Variants in MYZAP observed in about 807,000 individuals in gnomAD.
MYZAP encodes myocardial zonula adherens protein.
In MYZAP, 66 loss-of-function variants were observed where a neutral mutation model predicts 69.4. The observed-to-expected ratio is 0.95, with a 90% CI of 0.78 to 1.17. The LOEUF is 1.17. MYZAP is among the 50% of genes most tolerant of loss of function. The pLI, the probability that MYZAP is intolerant of heterozygous loss-of-function variation, is 0.00. For missense variants in MYZAP, 611 were observed against 556.2 expected, an observed-to-expected ratio of 1.10 and a Z score of -0.99; for synonymous variants, 256 against 205.9, an observed-to-expected ratio of 1.24 and a Z score of -2.09.
chr15:57,604,979 C>T (rs1307780003), intron 2 of MYZAP, among the ~76,000 whole-genome samples: 4 of 152,156 alleles, frequency 2.6e-5, no homozygotes, highest in South Asian at 2.1e-4. Flanking sequence ...CCCTATATGA[C>T]GGAATCTGGG....
In MYZAP at chr15:57,661,516, T is replaced by C; in HGVS notation, c.1186T>C (p.Ser396Pro). The change falls in exon 11 of 13, where the codon TCT becomes CCT. Residue 396 changes from serine (S) to proline (P), a missense_variant. Transcript: ENST00000267853. ...AATACTGCAGCTTTTAGAAAAGATA[T>C]CTTTCTTAGAAGGAGAGGTAAGGAT... ...LLILQLLEKI[S>P]FLEGENNELQ... 1 of 1,610,050 alleles carries C rather than the reference T, an allele frequency of 6.2e-7. No individual in the cohort carries two copies. The highest frequency in any genetic ancestry group is 8.5e-7 in the Non-Finnish European group (1 of 1,178,722).
chr15:57,631,038 G>A lies in MYZAP; in HGVS notation c.678+1184G>A, dbSNP rs116899925. 9.4e-3 allele frequency among the ~76,000 whole-genome samples: 1,432 copies of A among 152,270 alleles called. 9 individuals are homozygous for A. Among genetic ancestry groups the A allele is most frequent in the Non-Finnish European group, 0.015 (1,019 of 68,022 alleles). ...GTTCACTTGGCCTGCCACAGCCATG[G>A]GACAGATCATCTCCTCTGTATGTTC... On this transcript the variant is annotated intron_variant, in intron 6 of 12. Coordinates refer to ENST00000267853, the MANE Select transcript of MYZAP (RefSeq NM_001018100.5).
At chr15:57,683,341 G>A (rs760914286) in intron 12 of MYZAP, among the ~76,000 whole-genome samples, 20 of 152,148 alleles carry the variant, frequency 1.3e-4, no homozygotes, top group Non-Finnish European at 2.4e-4. Context: ...TGACTTTTCC[G>A]GGCCACAGAG....
intron 12 of MYZAP, among the ~76,000 whole-genome samples, chr15:57,677,132 G>A (rs1540398): frequency 0.048 from 7,348 of 152,284 alleles, 500 homozygotes; most frequent in African/African-American, 0.15. Flanking sequence ...TTCCACCTGC[G>A]CTTCTTGGAA....
chr15:57,607,876 C>G (rs1486412540), intron 2 of MYZAP, among the ~76,000 whole-genome samples: 1 of 152,190 alleles, frequency 6.6e-6, no homozygotes, highest in Non-Finnish European at 1.5e-5. Flanking sequence ...TGGCATGAGT[C>G]ACTGAGGGCC....
intron 10 of MYZAP, among the ~76,000 whole-genome samples, chr15:57,658,696 C>T (rs1464072969): frequency 1.3e-5 from 2 of 152,166 alleles, no homozygotes; most frequent in Non-Finnish European, 2.9e-5. Context: ...TCGTGTATCA[C>T]TTCTGGGGTG....
rs769052776 is a variant in MYZAP at position 57,592,019 on chromosome 15, C to G, written c.-16C>G. The G allele has an allele frequency of 7.0e-7, 1 of 1,431,688 alleles. No homozygotes were observed. The highest frequency in any genetic ancestry group is 9.1e-7 in the Non-Finnish European group (1 of 1,096,382). The allele number at this position is 1,431,688 out of a possible 1,614,324, so 88.7% of individuals were successfully genotyped here. A position where few individuals can be genotyped will look rare whatever the true frequency, so the allele number is the denominator to read the frequency against. ...GGAACGCCGGCGTCCAGCCCGCTAC[C>G]GACCGCCGCTGCGGGATGCTGCGCT... is the stretch of plus-strand genomic sequence containing the variant. On this transcript the variant is annotated 5_prime_UTR_variant, in exon 1 of 13. Transcript: ENST00000267853.
At chr15:57,613,364 A>T (rs932983377) in intron 2 of MYZAP, among the ~76,000 whole-genome samples, 2 of 151,672 alleles carry the variant, frequency 1.3e-5, no homozygotes, top group Non-Finnish European at 2.9e-5. Flanking sequence ...TTTTTAATTT[A>T]AATTTAATTT....
At chr15:57,610,735 CAG>C (rs1426052366) in intron 2 of MYZAP, among the ~76,000 whole-genome samples, 2 of 152,156 alleles carry the variant, frequency 1.3e-5, no homozygotes, top group African/African-American at 4.8e-5. Flanking sequence ...GAAATAAGAT[CAG>C]GGCTATGTTG....
Position 57,684,552 on chromosome 15 carries a change from G to T in MYZAP, c.*54G>T. ...TGGACAAAAGCTCTGGAACCCTGTG[G>T]CTTCAAATCCTTTGGGAAGGGTGAC... On this transcript the variant is annotated 3_prime_UTR_variant, in exon 13 of 13. Coordinates refer to ENST00000267853, the MANE Select transcript of MYZAP (RefSeq NM_001018100.5). 1 of 1,176,724 alleles carries T rather than the reference G, an allele frequency of 8.5e-7. No homozygotes were observed. The highest frequency in any genetic ancestry group is 1.2e-6 in the Non-Finnish European group (1 of 801,426). The allele number at this position is 1,176,724 out of a possible 1,614,324, so 72.9% of individuals were successfully genotyped here.
At chr15:57,680,507 A>ACG (rs1335501003) in intron 12 of MYZAP, among the ~76,000 whole-genome samples, 16 of 145,018 alleles carry the variant, frequency 1.1e-4, no homozygotes, top group African/African-American at 3.7e-4. Context: ...ACACACACAC[A>ACG]CACACACACA....
At chr15:57,672,303 G>C (rs1443720284) in intron 11 of MYZAP, among the ~76,000 whole-genome samples, 4 of 152,220 alleles carry the variant, frequency 2.6e-5, no homozygotes, top group Admixed American at 2.0e-4. Flanking sequence ...CACCATGACT[G>C]TGCTGCTCTC....
chr15:57,618,110 T>A lies in MYZAP; in HGVS notation c.240T>A (p.Asp80Glu). The A allele has an allele frequency of 6.2e-7, 1 of 1,614,120 alleles. No individual in the cohort carries two copies. Among genetic ancestry groups the A allele is most frequent in the Non-Finnish European group, 8.5e-7 (1 of 1,180,016 alleles). Residue 80 changes from aspartate to glutamate, a missense_variant, in exon 3 of 13, where the codon GAT becomes GAA. Asp to Glu is a conservative substitution (Grantham distance 45). Transcript: ENST00000267853. Reference protein sequence around the residue: ...GVVYGVVRRSDQNQQKEMVVY... With the variant: ...GVVYGVVRRSEQNQQKEMVVY... ...TTTATGGTGTGGTGCGAAGATCAGA[T>A]CAAAATCAGCAGAAAGAAATGGTGG...
intron 6 of MYZAP, 135 bp from the exon 7 acceptor site, chr15:57,632,299 G>A: frequency 1.4e-6 from 2 of 1,414,448 alleles, no homozygotes; most frequent in Admixed American, 2.1e-5. Flanking sequence ...GTTAGGTCTT[G>A]CTGTGTCTCT....
At chr15:57,641,759 A>G (rs1213068260) in intron 10 of MYZAP, among the ~76,000 whole-genome samples, 1 of 152,252 alleles carries the variant, frequency 6.6e-6, no homozygotes, top group Non-Finnish European at 1.5e-5. Context: ...ACATAAGAAA[A>G]AAAGGATAGC....
chr15:57,592,248 G>C, intron 1 of MYZAP, 139 bp downstream of exon 1: 1 of 782,912 alleles, frequency 1.3e-6, no homozygotes, highest in Non-Finnish European at 1.7e-6. Context: ...CCCCGGTCCT[G>C]TGCCGGCTCT....
chr15:57,649,796 C>T (rs192412245), intron 10 of MYZAP, among the ~76,000 whole-genome samples: 7 of 152,262 alleles, frequency 4.6e-5, no homozygotes, highest in Admixed American at 3.3e-4. Flanking sequence ...ATCTTTAGGT[C>T]TTCAATTACA....
chr15:57,659,546 C>G (rs2038174900), intron 10 of MYZAP, among the ~76,000 whole-genome samples: 1 of 152,128 alleles, frequency 6.6e-6, no homozygotes, highest in Non-Finnish European at 1.5e-5. Flanking sequence ...CAATATACAT[C>G]AAACGGTTTC....
At chr15:57,678,554 G>A (rs1453137351) in intron 12 of MYZAP, among the ~76,000 whole-genome samples, 1 of 152,066 alleles carries the variant, frequency 6.6e-6, no homozygotes, top group Non-Finnish European at 1.5e-5. Context: ...TTTTATTGGT[G>A]GTAATCATTG....
Sources: gnomAD v4.1 joint callset for allele counts (sites outside exome capture counted in the v4.1 genomes callset) on GRCh38, gnomAD v4.1.1 for gene constraint, MANE v1.5 for transcripts, NCBI Gene and HGNC (gene_info 2026-07-23, HGNC 2026-07-21) for gene names.